The following OPCML variants were observed in gnomAD, a reference collection of about 807,000 sequenced individuals.
The protein encoded by OPCML is opioid binding protein/cell adhesion molecule like, also known as opioid-binding protein/cell adhesion molecule.
In OPCML, 13 loss-of-function variants were observed where a neutral mutation model predicts 37.8. The observed-to-expected ratio is 0.34, with a 90% CI of 0.22 to 0.55. The LOEUF (loss-of-function observed/expected upper bound fraction) is 0.55, where lower values mean the gene tolerates loss of function less well. OPCML is among the 20% of genes least tolerant of loss of function. The probability of loss-of-function intolerance (pLI) is 0.91; values close to 1 mark genes in which losing one functional copy is unlikely to be tolerated. For synonymous variants in OPCML, 176 were observed against 168.8 expected (o/e 1.04, Z -0.33); for missense variants, 341 against 435.6 (o/e 0.78, Z 1.93).
At chr11:132,677,060 T>C (rs1942742374) in intron 2 of OPCML, among the ~76,000 whole-genome samples, 1 of 152,064 alleles carries the variant, frequency 6.6e-6, no homozygotes. Flanking sequence ...GGTTGCAGGA[T>C]ACAAAGTTAG....
chr11:132,951,132 ACATT>A (rs1945849840), intron 1 of OPCML, among the ~76,000 whole-genome samples: 1 of 152,170 alleles, frequency 6.6e-6, no homozygotes, highest in Admixed American at 6.5e-5. Context: ...CAAGCTCCTT[ACATT>A]CACTCATCTT....
At chr11:132,812,079 T>G (rs759578756) in intron 2 of OPCML, among the ~76,000 whole-genome samples, 1 of 152,166 alleles carries the variant, frequency 6.6e-6, no homozygotes, top group Non-Finnish European at 1.5e-5. Context: ...TTCTCATTGC[T>G]AACTGTGCAC....
intron 1 of OPCML, among the ~76,000 whole-genome samples, chr11:133,502,942 A>G (rs1947947713): frequency 6.6e-6 from 1 of 152,126 alleles, no homozygotes; most frequent in South Asian, 2.1e-4. Context: ...TTTCAGTTTT[A>G]AAATCAGGAC....
chr11:132,827,486 G>A (rs1940424304), intron 2 of OPCML, among the ~76,000 whole-genome samples: 1 of 152,144 alleles, frequency 6.6e-6, no homozygotes, highest in African/African-American at 2.4e-5. Flanking sequence ...CTGCCATTTT[G>A]GGAAACAATT....
chr11:132,706,535 T>A (rs1944041429), intron 2 of OPCML, among the ~76,000 whole-genome samples: 1 of 152,170 alleles, frequency 6.6e-6, no homozygotes, highest in African/African-American at 2.4e-5. Context: ...AAAAGATGTG[T>A]TTGAGGAGAA....
At chr11:132,759,175 T>G (rs956171747) in intron 2 of OPCML, among the ~76,000 whole-genome samples, 1 of 152,156 alleles carries the variant, frequency 6.6e-6, no homozygotes, top group Non-Finnish European at 1.5e-5. Flanking sequence ...GGGTAAGCTT[T>G]TTGATGTGCT....
intron 4 of OPCML, among the ~76,000 whole-genome samples, chr11:132,484,043 C>T (rs1310494556): frequency 6.6e-6 from 1 of 152,126 alleles, no homozygotes; most frequent in Non-Finnish European, 1.5e-5. Flanking sequence ...AAAGCAATGG[C>T]AACAAAAGCC....
chr11:132,769,680 A>C (rs558367418), intron 2 of OPCML, among the ~76,000 whole-genome samples: 1 of 152,178 alleles, frequency 6.6e-6, no homozygotes, highest in African/African-American at 2.4e-5. Context: ...GGTGGAAAGA[A>C]GCCACAGACA....
rs1444178260 is a variant in OPCML at position 133,532,266 on chromosome 11, G to A, written c.59C>T (p.Pro20Leu). ...AACACCCTTCCCCTGTACGGTACCTGGGATGAAGAGCAGGGCAGTTGTCGC... is the reference window on the plus strand; with the variant it reads ...AACACCCTTCCCCTGTACGGTACCTAGGATGAAGAGCAGGGCAGTTGTCGC... ...FSATTALLFI[P>L]GVPVRSGDAT... Residue 20 changes from proline to leucine, a missense_variant and splice_region_variant, in exon 1 of 8, where the codon CCA becomes CTA. By Grantham distance (98) the Pro-to-Leu change is moderately conservative. Coordinates refer to ENST00000524381, the MANE Select transcript of OPCML (RefSeq NM_001012393.5). 1 of 1,613,882 alleles carries A rather than the reference G, an allele frequency of 6.2e-7. No individual in the cohort carries two copies.
At chr11:132,902,853 T>C (rs983122345) in intron 2 of OPCML, among the ~76,000 whole-genome samples, 7 of 152,124 alleles carry the variant, frequency 4.6e-5, no homozygotes, top group Admixed American at 3.3e-4. Flanking sequence ...CACACCCAGA[T>C]AGACTTTTCA....
At chr11:133,502,088 G>T (rs1947927697) in intron 1 of OPCML, among the ~76,000 whole-genome samples, 1 of 151,966 alleles carries the variant, frequency 6.6e-6, no homozygotes, top group Admixed American at 6.5e-5. Flanking sequence ...CTCTGACTGT[G>T]GAGGACAAGT....
chr11:132,586,427 T>G (rs978039007), intron 3 of OPCML, among the ~76,000 whole-genome samples: 4 of 152,242 alleles, frequency 2.6e-5, no homozygotes, highest in African/African-American at 9.6e-5. Context: ...TTCCAGCTGC[T>G]GTGCCAGATG....
chr11:133,486,035 A>G (rs1947519262), intron 1 of OPCML, among the ~76,000 whole-genome samples: 1 of 152,180 alleles, frequency 6.6e-6, no homozygotes, highest in African/African-American at 2.4e-5. Context: ...GTGTTAGAGG[A>G]TCTTTGTTTA....
At chr11:132,552,594 G>GA (rs774663005) in intron 3 of OPCML, among the ~76,000 whole-genome samples, 8 of 152,072 alleles carry the variant, frequency 5.3e-5, no homozygotes, top group Non-Finnish European at 1.2e-4. Context: ...ATAACCTTCA[G>GA]TATTCCTAAA....
At chr11:132,757,999 T>G (rs1946118268) in intron 2 of OPCML, among the ~76,000 whole-genome samples, 1 of 152,200 alleles carries the variant, frequency 6.6e-6, no homozygotes, top group Non-Finnish European at 1.5e-5. Context: ...AGGAGTCCAG[T>G]TTCAATTTTC....
chr11:132,696,154 G>A (rs549865775), intron 2 of OPCML, among the ~76,000 whole-genome samples: 1 of 152,290 alleles, frequency 6.6e-6, no homozygotes, highest in African/African-American at 2.4e-5. Flanking sequence ...TTTAGCATTT[G>A]AGAATGCCCG....
intron 1 of OPCML, among the ~76,000 whole-genome samples, chr11:133,387,550 G>A (rs1017554948): frequency 9.2e-5 from 14 of 152,268 alleles, no homozygotes; most frequent in Non-Finnish European, 1.5e-4. Context: ...CAAACTCACC[G>A]GTTGTGTAAA....
chr11:132,884,129 C>T (rs1170705449), intron 2 of OPCML, among the ~76,000 whole-genome samples: 3 of 152,138 alleles, frequency 2.0e-5, no homozygotes, highest in Non-Finnish European at 4.4e-5. Context: ...GGGAAAAATT[C>T]ACATATTAGA....
chr11:132,556,653 C>T (rs755622018), intron 3 of OPCML, among the ~76,000 whole-genome samples: 3 of 152,158 alleles, frequency 2.0e-5, no homozygotes, highest in Admixed American at 6.5e-5. Flanking sequence ...TCACAGCATA[C>T]GTTTCCCACT....
Sources: gnomAD v4.1 joint callset for allele counts (sites outside exome capture counted in the v4.1 genomes callset) on GRCh38, gnomAD v4.1.1 for gene constraint, MANE v1.5 for transcripts, NCBI Gene and HGNC (gene_info 2026-07-23, HGNC 2026-07-21) for gene names.